ZDHHC14: variants seen among roughly 807,000 people sequenced by gnomAD.
ZDHHC14 encodes palmitoyltransferase ZDHHC14.
ZDHHC14 carries 16 observed loss-of-function variants against 47.7 expected under a neutral mutation model. That is an observed-to-expected ratio of 0.34 (90% CI 0.23 to 0.51). The LOEUF is 0.51. ZDHHC14 is among the 20% of genes least tolerant of loss of function. The probability of loss-of-function intolerance (pLI) is 0.97; values close to 1 mark genes in which losing one functional copy is unlikely to be tolerated. For synonymous variants in ZDHHC14, 293 were observed against 278.9 expected (o/e 1.05, Z -0.50); for missense variants, 515 against 662.5 (o/e 0.78, Z 2.44).
chr6:157,409,393 A>G (rs965715977), intron 1 of ZDHHC14, among the ~76,000 whole-genome samples: 34 of 152,194 alleles, frequency 2.2e-4, no homozygotes, highest in Non-Finnish European at 4.3e-4. Flanking sequence ...GCAGCGGGTT[A>G]CGTATGTTTG....
chr6:157,514,524 G>C (rs572658854), intron 1 of ZDHHC14, among the ~76,000 whole-genome samples: 10 of 152,350 alleles, frequency 6.6e-5, no homozygotes, highest in African/African-American at 2.4e-4. Flanking sequence ...ATATCGCCAA[G>C]AAGTTGGATT....
intron 1 of ZDHHC14, among the ~76,000 whole-genome samples, chr6:157,527,132 C>T (rs1781184511): frequency 1.3e-5 from 2 of 152,172 alleles, no homozygotes; most frequent in South Asian, 2.1e-4. Flanking sequence ...GTAAGGCCAA[C>T]GTTCTCTTCT....
intron 1 of ZDHHC14, among the ~76,000 whole-genome samples, chr6:157,404,506 C>G (rs1217622668): frequency 6.6e-6 from 1 of 152,152 alleles, no homozygotes; most frequent in Non-Finnish European, 1.5e-5. Flanking sequence ...ATTCAACATC[C>G]TTTGCTTTGA....
intron 1 of ZDHHC14, among the ~76,000 whole-genome samples, chr6:157,483,119 C>T (rs1026934898): frequency 6.6e-6 from 1 of 152,166 alleles, no homozygotes; most frequent in African/African-American, 2.4e-5. Flanking sequence ...TAGCTATAAG[C>T]ATGCTGATTA....
intron 1 of ZDHHC14, among the ~76,000 whole-genome samples, chr6:157,488,308 A>T (rs927110960): frequency 5.3e-5 from 8 of 152,108 alleles, no homozygotes; most frequent in African/African-American, 1.9e-4. Flanking sequence ...CCTGGCAGGG[A>T]GCCCACGGAG....
intron 1 of ZDHHC14, among the ~76,000 whole-genome samples, chr6:157,440,334 C>G (rs920644411): frequency 1.3e-5 from 2 of 151,980 alleles, no homozygotes; most frequent in Non-Finnish European, 2.9e-5. Context: ...TAGGGAAATG[C>G]AAGTGAAAAC....
chr6:157,471,259 C>T lies in ZDHHC14; in HGVS notation c.246-71326C>T, dbSNP rs1779348617. Among the ~76,000 whole-genome samples, 4 of 152,246 alleles carry T rather than the reference C, an allele frequency of 2.6e-5. No individual in the cohort carries two copies. The South Asian group carries it at 8.3e-4, about 32-fold the overall frequency. On this transcript the variant is annotated intron_variant, in intron 1 of 8. Coordinates refer to ENST00000359775, the MANE Select transcript of ZDHHC14 (RefSeq NM_024630.3). ...TGCTCTCCCCGCAGAGTGCGCTTTGCGCCTGGCAGGAGGGGCTCAAAGATG... is the reference window on the plus strand; with the variant it reads ...TGCTCTCCCCGCAGAGTGCGCTTTGTGCCTGGCAGGAGGGGCTCAAAGATG...
intron 1 of ZDHHC14, among the ~76,000 whole-genome samples, chr6:157,476,375 A>T (rs1440735616): frequency 2.0e-5 from 3 of 152,248 alleles, no homozygotes; most frequent in African/African-American, 7.2e-5. Flanking sequence ...GAAAACCTGA[A>T]CAAACCAATA....
At chr6:157,595,585 C>CTG (rs1187331566) in intron 3 of ZDHHC14, among the ~76,000 whole-genome samples, 2 of 152,188 alleles carry the variant, frequency 1.3e-5, no homozygotes, top group African/African-American at 4.8e-5. Context: ...AGACACTGCT[C>CTG]TGAAAGTTCA....
At chr6:157,416,528 G>A (rs922148558) in intron 1 of ZDHHC14, among the ~76,000 whole-genome samples, 2 of 151,812 alleles carry the variant, frequency 1.3e-5, no homozygotes, top group Non-Finnish European at 2.9e-5. Flanking sequence ...AATTATTCAG[G>A]TGTGGTGGCA....
At chr6:157,549,442 G>T (rs1394093205) in intron 2 of ZDHHC14, among the ~76,000 whole-genome samples, 1 of 152,204 alleles carries the variant, frequency 6.6e-6, no homozygotes. Flanking sequence ...AGGCAAGGGA[G>T]AGTGGGGGAG....
At chr6:157,490,249 A>G (rs1336315862) in intron 1 of ZDHHC14, among the ~76,000 whole-genome samples, 3 of 152,234 alleles carry the variant, frequency 2.0e-5, no homozygotes. Flanking sequence ...CTAAACAGAT[A>G]TAAGCGTTGT....
chr6:157,570,974 T>C (rs903245157), intron 2 of ZDHHC14, among the ~76,000 whole-genome samples: 3 of 152,126 alleles, frequency 2.0e-5, no homozygotes, highest in Non-Finnish European at 4.4e-5. Context: ...GGAACTGAGA[T>C]TGTCATGGTT....
chr6:157,598,212 G>A lies in ZDHHC14; in HGVS notation c.565+5066G>A, dbSNP rs887998259. ...AAGAGTTTGGACATGGCAGAGATTC[G>A]GCCCTGCAGCTGCCTTCTGGTGTGG... On this transcript the variant is annotated intron_variant, in intron 3 of 8. Transcript: ENST00000359775. Among the ~76,000 whole-genome samples, 6 of 152,152 alleles carry A rather than the reference G, an allele frequency of 3.9e-5. No individual in the cohort carries two copies. In the East Asian group the frequency reaches 5.8e-4, roughly 15 times the overall value.
In ZDHHC14 at chr6:157,647,345, C is replaced by T. The variant is rs1015246910; in HGVS notation, c.942C>T (p.Ala314=). 2 of 1,613,812 alleles carry T rather than the reference C, an allele frequency of 1.2e-6. No homozygotes were observed. Among genetic ancestry groups the T allele is most frequent in the African/African-American group, 2.7e-5 (2 of 74,928 alleles). The change falls in exon 7 of 9, where the codon GCC becomes GCT. Residue 314 remains alanine, a synonymous_variant. Coordinates refer to ENST00000359775, the MANE Select transcript of ZDHHC14 (RefSeq NM_024630.3). The part of the protein sequence containing the change: ...YGNIFTNCCV[A]LCGPISPSLI... ...ATATCTTTACCAACTGCTGTGTTGC[C>T]CTGTGTGGGCCCATCTCACCAAGGT...
intron 1 of ZDHHC14, among the ~76,000 whole-genome samples, chr6:157,536,297 G>A (rs1365342256): frequency 1.3e-5 from 2 of 152,270 alleles, no homozygotes; most frequent in East Asian, 3.9e-4. Context: ...GCTTTCATAC[G>A]TACAGGACAG....
intron 4 of ZDHHC14, 126 bp downstream of exon 4, chr6:157,628,612 C>T (rs915002690): frequency 1.3e-5 from 16 of 1,274,316 alleles, no homozygotes; most frequent in Non-Finnish European, 1.6e-5. Context: ...CTCCCTTTCC[C>T]CTCCTCACTT....
At chr6:157,396,654 AAC>A (rs1213349540) in intron 1 of ZDHHC14, among the ~76,000 whole-genome samples, 1 of 152,210 alleles carries the variant, frequency 6.6e-6, no homozygotes, top group African/African-American at 2.4e-5. Flanking sequence ...CTATTTGGGA[AAC>A]ACACTGAGTT....
chr6:157,382,222 G>C lies in ZDHHC14; in HGVS notation c.201G>C (p.Thr67=). 1 of 1,612,948 alleles carries C rather than the reference G, an allele frequency of 6.2e-7. No individual in the cohort carries two copies. The highest frequency in any genetic ancestry group is 8.5e-7 in the Non-Finnish European group (1 of 1,179,528). ...MARQTGVFYL[T]LVLILVTSGL... ...GGCAGACGGGCGTCTTCTACCTGAC[G>C]CTCGTCCTCATCCTGGTCACTAGCG... Residue 67 remains threonine (T), a synonymous_variant, in exon 1 of 9, where the codon ACG becomes ACC. Coordinates refer to ENST00000359775, the MANE Select transcript of ZDHHC14 (RefSeq NM_024630.3).
Sources: allele counts gnomAD v4.1 joint callset (sites outside exome capture counted in the v4.1 genomes callset), GRCh38; gene constraint gnomAD v4.1.1; transcripts MANE v1.5; gene names NCBI Gene and HGNC (gene_info 2026-07-23, HGNC 2026-07-21).